NCAN: variants seen among roughly 807,000 people sequenced by gnomAD.
NCAN encodes the protein neurocan core protein.
Under a neutral mutation model 121.8 loss-of-function variants are expected in NCAN, and 47 were observed. That is an observed-to-expected ratio of 0.39 (90% confidence interval 0.31 to 0.49). The LOEUF is 0.49. Ranked by LOEUF, NCAN falls within the 20% of genes least tolerant of loss-of-function variation. The probability of loss-of-function intolerance (pLI) is 0.92; values close to 1 mark genes in which losing one functional copy is unlikely to be tolerated. For synonymous variants in NCAN, 633 were observed against 702.0 expected, an observed-to-expected ratio of 0.90 and a Z score of 1.55; for missense variants, 1,517 against 1,773.4, an observed-to-expected ratio of 0.86 and a Z score of 2.60.
chr19:19,223,969 G>A (rs2060825741), intron 3 of NCAN, 52 bp from the exon 4 acceptor site: 3 of 1,480,070 alleles, frequency 2.0e-6, no homozygotes, highest in Admixed American at 4.6e-5. Flanking sequence ...GTCTGTTCTT[G>A]AAGATTCCAG....
chr19:19,215,419 T>C lies in NCAN; in HGVS notation c.-7-1528T>C, dbSNP rs576735069. ...CCAGGATTCCTAGTCTCTGGAACAA[T>C]GTGAAGTCAGGAAATGCACTGCTGT... On this transcript the variant is annotated intron_variant, in intron 1 of 14. Transcript: ENST00000252575. Among the ~76,000 whole-genome samples the C allele has an allele frequency of 3.9e-5, 6 of 152,214 alleles. No individual in the cohort carries two copies. The South Asian group carries it at 1.2e-3, about 32-fold the overall frequency.
chr19:19,243,006 G>A (rs1451896186), intron 12 of NCAN, among the ~76,000 whole-genome samples: 3 of 151,050 alleles, frequency 2.0e-5, no homozygotes, highest in Admixed American at 6.6e-5. Flanking sequence ...GCGAGACTCC[G>A]GCTCAAAAAT....
chr19:19,225,200 C>A lies in NCAN; in HGVS notation c.1002C>A (p.Thr334=), dbSNP rs750788921. 5.8e-6 allele frequency: 9 copies of A among 1,565,084 alleles called. No homozygotes were observed. In the South Asian group the frequency reaches 8.0e-5, roughly 14 times the overall value. ...GGGGCCCAGCCCCGGGCGTGCGCAC[C>A]GTCTACCGCTTCGCTAACCGGACCG... ...RCGGPAPGVR[T]VYRFANRTGF... Residue 334 remains threonine, a synonymous_variant, in exon 6 of 15, where the codon ACC becomes ACA. Coordinates refer to ENST00000252575, the MANE Select transcript of NCAN (RefSeq NM_004386.3). This position sits in a 1 kb window ranked among gnomAD's most constrained non-coding sequence, Gnocchi z 4.0.
At chr19:19,213,777 A>G (rs1282334570) in intron 1 of NCAN, among the ~76,000 whole-genome samples, 1 of 152,090 alleles carries the variant, frequency 6.6e-6, no homozygotes, top group African/African-American at 2.4e-5. Context: ...GGGCGCTAAC[A>G]GGGAAAGCTT....
At chr19:19,230,731 C>CTTTTTTTTTTT (rs1214694253) in intron 8 of NCAN, among the ~76,000 whole-genome samples, 1 of 131,804 alleles carries the variant, frequency 7.6e-6, no homozygotes, top group Non-Finnish European at 1.6e-5. Context: ...TTTTTTTTTC[C>CTTTTTTTTTTT]TTTTTTTTTT....
chr19:19,243,644 C>T (rs1425139877), intron 12 of NCAN, among the ~76,000 whole-genome samples: 1 of 151,052 alleles, frequency 6.6e-6, no homozygotes, highest in East Asian at 2.0e-4. Context: ...GAGGTTGCAG[C>T]GAGCCAAGGT....
rs1226065918 is a variant in NCAN at position 19,224,058 on chromosome 19, T to C, written c.513T>C (p.Tyr171=). The C allele has an allele frequency of 1.1e-5, 18 of 1,586,582 alleles. No individual in the cohort carries two copies. The highest frequency in any genetic ancestry group is 1.7e-5 in the Admixed American group (1 of 57,770). The change falls in exon 4 of 15, where the codon TAT becomes TAC. Residue 171 remains tyrosine (Y), a synonymous_variant. Coordinates refer to ENST00000252575, the MANE Select transcript of NCAN (RefSeq NM_004386.3). The stretch of plus-strand genomic sequence containing the variant: ...ACTACCGATCAGCCCGGGACCGCTA[T>C]GCACTGACCTTCGCTGAGGCCCAGG... The part of the protein sequence containing the change: ...VFHYRSARDR[Y]ALTFAEAQEA...
In NCAN at chr19:19,249,874, C is replaced by A; in HGVS notation, c.3929C>A (p.Thr1310Lys). 1 of 1,614,070 alleles carries A rather than the reference C, an allele frequency of 6.2e-7. No individual in the cohort carries two copies. The highest frequency in any genetic ancestry group is 1.1e-5 in the South Asian group (1 of 91,080). The change falls in exon 15 of 15, where the codon ACG (threonine) becomes AAG (lysine). Residue 1310 changes from threonine to lysine, a missense_variant. Transcript: ENST00000252575. ...KERRKHKKHP[T>K]EDWEKDEGNF... ...CGCAGAAAACACAAGAAACACCCAACGGAGGACTGGGAGAAGGACGAAGGG... is the reference window on the plus strand; with the variant it reads ...CGCAGAAAACACAAGAAACACCCAAAGGAGGACTGGGAGAAGGACGAAGGG...
Position 19,228,380 on chromosome 19 carries a change from C to G in NCAN, c.2760C>G (p.Ser920Arg). 1 of 1,613,808 alleles carries G rather than the reference C, an allele frequency of 6.2e-7. No homozygotes were observed. Among genetic ancestry groups the G allele is most frequent in the Non-Finnish European group, 8.5e-7 (1 of 1,180,014 alleles). Reference protein sequence around the residue: ...TSGASVPPHQSSPLGKPAVPP... With the variant: ...TSGASVPPHQRSPLGKPAVPP... ...GAGCTTCAGTGCCTCCGCATCAGAG[C>G]AGTCCCCTAGGGAAACCGGCTGTTC... Residue 920 changes from serine to arginine, a missense_variant, in exon 8 of 15, where the codon AGC becomes AGG. Ser to Arg is a moderately radical substitution (Grantham distance 110). Coordinates refer to ENST00000252575, the MANE Select transcript of NCAN (RefSeq NM_004386.3).
chr19:19,248,248 C>T (rs933342790), intron 13 of NCAN, among the ~76,000 whole-genome samples: 1 of 152,002 alleles, frequency 6.6e-6, no homozygotes, highest in Non-Finnish European at 1.5e-5. Flanking sequence ...AGTTCAAGAC[C>T]CGCCTGGCCA....
rs2060945892 is a variant in NCAN, at chr19:19,251,473, T to G, written c.*1562T>G. The G allele has an allele frequency of 6.6e-6, 1 of 152,184 alleles. No individual in the cohort carries two copies. Among genetic ancestry groups the G allele is most frequent in the Non-Finnish European group, 1.5e-5 (1 of 68,036 alleles). The allele number at this position is 152,184 out of a possible 1,614,324, so 9.4% of individuals were successfully genotyped here. A position where few individuals can be genotyped will look rare whatever the true frequency, so the allele number is the denominator to read the frequency against. ...ATAAAGGAAAGGTACTGGCTTGAAG[T>G]CACAACCACGACAGGAGTAAGGATT... On this transcript the variant is annotated 3_prime_UTR_variant, in exon 15 of 15. Transcript: ENST00000252575.
chr19:19,245,609 G>T, intron 13 of NCAN, 152 bp downstream of exon 13: 2 of 870,440 alleles, frequency 2.3e-6, no homozygotes, highest in Non-Finnish European at 3.4e-6. Flanking sequence ...TCCCGAGTAG[G>T]TGGGACTATA....
At chr19:19,219,390 T>C (rs755917000) in intron 3 of NCAN, 74 bp downstream of exon 3, 611 of 1,391,590 alleles carry the variant, frequency 4.4e-4, no homozygotes, top group Non-Finnish European at 5.5e-4. Context: ...CCACTGAATG[T>C]CACCTTAGAA....
chr19:19,242,607 T>C (rs2146556459), intron 12 of NCAN, among the ~76,000 whole-genome samples: 1 of 150,924 alleles, frequency 6.6e-6, no homozygotes, highest in African/African-American at 2.4e-5. Flanking sequence ...GAGAATCGCT[T>C]GAACCTGGAA....
At chr19:19,240,496 T>C in intron 11 of NCAN, 107 bp from the exon 12 acceptor site, 1 of 1,013,426 alleles carries the variant, frequency 9.9e-7, no homozygotes, top group South Asian at 1.3e-5. Flanking sequence ...CTGGGGAAGG[T>C]GAGGAATTCT....
Position 19,224,371 on chromosome 19 carries a change from G to A in NCAN, c.716G>A (p.Ser239Asn). ...CGTAGCAGCCTTCCAGGGGTTCGGA[G>A]CTATGGGAGGCGCAACCCACAGGAA... is the stretch of plus-strand genomic sequence containing the variant. ...GDRSSLPGVR[S>N]YGRRNPQELY... The change falls in exon 5 of 15, where the codon AGC becomes AAC. Residue 239 changes from serine (S) to asparagine (N), a missense_variant. Ser to Asn is a conservative substitution (Grantham distance 46). Coordinates refer to ENST00000252575, the MANE Select transcript of NCAN (RefSeq NM_004386.3). 3 of 1,614,106 alleles carry A rather than the reference G, an allele frequency of 1.9e-6. No homozygotes were observed. Among genetic ancestry groups the A allele is most frequent in the Non-Finnish European group, 2.5e-6 (3 of 1,179,990 alleles).
chr19:19,226,721 C>T lies in NCAN; in HGVS notation c.1308C>T (p.Pro436=), dbSNP rs1321023976. The part of the protein sequence containing the change: ...QQTLSPTPGD[P]MLASWPTGEV... ...CCCTCAGCCCTACCCCTGGGGACCC[C>T]ATGCTGGCCTCATGGCCCACTGGGG... The change falls in exon 7 of 15, where the codon CCC becomes CCT. Residue 436 remains proline, a synonymous_variant. Coordinates refer to ENST00000252575, the MANE Select transcript of NCAN (RefSeq NM_004386.3). 1 of 1,612,316 alleles carries T rather than the reference C, an allele frequency of 6.2e-7. No homozygotes were observed. The highest frequency in any genetic ancestry group is 8.5e-7 in the Non-Finnish European group (1 of 1,178,854).
chr19:19,228,676 A>T (rs1355321452), intron 8 of NCAN, 37 bp downstream of exon 8: 1 of 1,566,076 alleles, frequency 6.4e-7, no homozygotes, highest in Admixed American at 1.7e-5. Context: ...CCAGCTCTCC[A>T]TGGTCAGGGC....
Position 19,250,092 on chromosome 19 carries a change from T to C in NCAN, c.*181T>C. On this transcript the variant is annotated 3_prime_UTR_variant, in exon 15 of 15. Coordinates refer to ENST00000252575, the MANE Select transcript of NCAN (RefSeq NM_004386.3). ...TTTCCCTTTTTTTACATACACAAGA[T>C]CCTCTTGGCAGGTGGAGCCAGGTGT... 1 of 763,886 alleles carries C rather than the reference T, an allele frequency of 1.3e-6. No individual in the cohort carries two copies. The highest frequency in any genetic ancestry group is 2.3e-6 in the Non-Finnish European group (1 of 441,966). 47.3% of individuals were successfully genotyped at this position (763,886 alleles called of 1,614,324 possible).
Sources: gnomAD v4.1 joint callset for allele counts (sites outside exome capture counted in the v4.1 genomes callset) on GRCh38, gnomAD v4.1.1 for gene constraint, Gnocchi (gnomAD v3.1) non-coding constraint, MANE v1.5 for transcripts, NCBI Gene and HGNC (gene_info 2026-07-23, HGNC 2026-07-21) for gene names.